Variants in CBFA2T3 observed in about 807,000 individuals in gnomAD.
CBFA2T3 encodes the protein CBFA2/RUNX1 partner transcriptional co-repressor 3, also known as transcriptional corepressor CBFA2T3.
In CBFA2T3, 31 loss-of-function variants were observed where a neutral mutation model predicts 58.6. That is an observed-to-expected ratio of 0.53 (90% CI 0.40 to 0.71). The LOEUF (loss-of-function observed/expected upper bound fraction) is 0.71, where lower values mean the gene tolerates loss of function less well. Among genes scored for constraint, CBFA2T3 ranks in the 30% least tolerant of loss-of-function variants. The probability of loss-of-function intolerance (pLI) is 0.00; values close to 1 mark genes in which losing one functional copy is unlikely to be tolerated. For synonymous variants in CBFA2T3, 531 were observed against 421.9 expected (o/e 1.26, Z -3.17); for missense variants, 1,076 against 963.1 (o/e 1.12, Z -1.55).
intron 1 of CBFA2T3, among the ~76,000 whole-genome samples, chr16:88,916,075 T>C (rs1251160475): frequency 1.3e-5 from 2 of 151,922 alleles, no homozygotes; most frequent in African/African-American, 4.8e-5. Flanking sequence ...TGTGTATTCA[T>C]GCATGTGTGT....
rs182622993 is a variant in CBFA2T3 at position 88,880,145 on chromosome 16, C to T, written c.1471+575G>A. On this transcript the variant is annotated intron_variant, in intron 10 of 11. Transcript: ENST00000268679. Reference sequence around the variant, plus strand: ...AGAGCAGCCTCCAGGGAGCACTGCCCACGCAGCTGGGGAGGCCATGTTTCA... The same window carrying T: ...AGAGCAGCCTCCAGGGAGCACTGCCTACGCAGCTGGGGAGGCCATGTTTCA... 4.9e-3 allele frequency: 761 copies of T among 156,342 alleles called. 9 individuals are homozygous for T. The highest frequency in any genetic ancestry group is 0.017 in the African/African-American group (721 of 41,556). The allele number at this position is 156,342 out of a possible 1,614,324, so 9.7% of individuals were successfully genotyped here.
rs889925221 is a variant in CBFA2T3 at position 88,876,823 on chromosome 16, TAGC to T, written c.*150_*152del. 4 of 565,986 alleles carry T rather than the reference TAGC, an allele frequency of 7.1e-6. No individual in the cohort carries two copies. Among genetic ancestry groups the T allele is most frequent in the African/African-American group, 6.0e-5 (3 of 50,200 alleles). 35.1% of individuals were successfully genotyped at this position (565,986 alleles called of 1,614,324 possible). A position where few individuals can be genotyped will look rare whatever the true frequency, so the allele number is the denominator to read the frequency against. ...TGTGTCTTCTTTCGGAGAGGGGCAG[TAGC>T]AGCAGTGACTAATTGGTCGGCTCCC... On this transcript the variant is annotated 3_prime_UTR_variant, in exon 12 of 12. Transcript: ENST00000268679.
chr16:88,903,618 T>G (rs1358783670), intron 1 of CBFA2T3, among the ~76,000 whole-genome samples: 1 of 128,582 alleles, frequency 7.8e-6, no homozygotes, highest in Admixed American at 9.1e-5. Flanking sequence ...CCAAAGAAGG[T>G]GAATGTGGCA....
Position 88,876,711 on chromosome 16 carries a change from G to T in CBFA2T3, c.*265C>A, listed in dbSNP as rs765743904. On this transcript the variant is annotated 3_prime_UTR_variant, in exon 12 of 12. Transcript: ENST00000268679. ...CTAAAGCTCAGTCGAGGCTTCTGAG[G>T]ATGCTTGAAGAGACGTTGTCAGGAG... is the stretch of plus-strand genomic sequence containing the variant. 1 of 430,194 alleles carries T rather than the reference G, an allele frequency of 2.3e-6. No individual in the cohort carries two copies. The highest frequency in any genetic ancestry group is 3.7e-5 in the East Asian group (1 of 26,984). 26.6% of individuals were successfully genotyped at this position (430,194 alleles called of 1,614,324 possible).
rs73254254 is a variant in CBFA2T3 at position 88,910,612 on chromosome 16, G to A, written c.152-8956C>T. The stretch of plus-strand genomic sequence containing the variant: ...CAGGAAGAGCTGTGGGGTGAGCTGC[G>A]GATGGCGTGAGCAGTGCAGGGCGGC... On this transcript the variant is annotated intron_variant, in intron 1 of 11. Transcript: ENST00000268679. Among the ~76,000 whole-genome samples, 1,045 of 152,312 alleles carry A rather than the reference G, an allele frequency of 6.9e-3. 16 individuals are homozygous for A. Among genetic ancestry groups the A allele is most frequent in the African/African-American group, 0.024 (1,002 of 41,560 alleles).
intron 3 of CBFA2T3, among the ~76,000 whole-genome samples, chr16:88,894,041 C>T (rs1264955038): frequency 6.6e-6 from 1 of 152,154 alleles, no homozygotes; most frequent in Non-Finnish European, 1.5e-5. Context: ...TCACGGCTGG[C>T]TCCCGCCTCC....
At chr16:88,931,520 A>C (rs150502638) in intron 1 of CBFA2T3, among the ~76,000 whole-genome samples, 1 of 151,958 alleles carries the variant, frequency 6.6e-6, no homozygotes, top group African/African-American at 2.4e-5. Context: ...AGAGGTGGAG[A>C]AGGGCCGTGG....
At chr16:88,925,001 G>T (rs1381148425) in intron 1 of CBFA2T3, among the ~76,000 whole-genome samples, 1 of 152,240 alleles carries the variant, frequency 6.6e-6, no homozygotes, top group Non-Finnish European at 1.5e-5. Context: ...CGGTCACCGT[G>T]GCCAAGCCCA....
intron 2 of CBFA2T3, among the ~76,000 whole-genome samples, chr16:88,900,782 A>C (rs1338978232): frequency 6.6e-6 from 1 of 152,218 alleles, no homozygotes; most frequent in Non-Finnish European, 1.5e-5. Context: ...TCTGTCCTCA[A>C]AGCCAAGGCT....
Position 88,877,188 on chromosome 16 carries a change from C to T in CBFA2T3, c.1750G>A (p.Asp584Asn). 1.3e-6 allele frequency: 2 copies of T among 1,554,552 alleles called. No individual in the cohort carries two copies. Among genetic ancestry groups the T allele is most frequent in the Non-Finnish European group, 1.7e-6 (2 of 1,149,484 alleles). The change falls in exon 12 of 12, where the codon GAC becomes AAC. Residue 584 changes from aspartate to asparagine, a missense_variant. Physicochemically the swap from Asp to Asn is conservative, Grantham distance 23. Transcript: ENST00000268679. ...RYCGSFCQHR[D>N]WEKHHHVCGQ... Reference sequence around the variant, plus strand: ...CACACGTGGTGATGCTTCTCCCAGTCCCGATGCTGGCAGAAGGACCCGCAG... The same window carrying T: ...CACACGTGGTGATGCTTCTCCCAGTTCCGATGCTGGCAGAAGGACCCGCAG...
At chr16:88,967,265 T>C (rs1972538133) in intron 1 of CBFA2T3, among the ~76,000 whole-genome samples, 2 of 151,622 alleles carry the variant, frequency 1.3e-5, no homozygotes, top group Admixed American at 6.6e-5. Context: ...GGCAGCACCA[T>C]GCTCAATGCA....
intron 1 of CBFA2T3, among the ~76,000 whole-genome samples, chr16:88,914,758 G>C (rs552531139): frequency 1.3e-5 from 2 of 152,336 alleles, no homozygotes; most frequent in East Asian, 3.9e-4. Flanking sequence ...TGGAAAGGCT[G>C]GGGGAGAGTG....
intron 1 of CBFA2T3, among the ~76,000 whole-genome samples, chr16:88,915,547 C>T (rs559082262): frequency 2.3e-4 from 1 of 4,382 alleles, no homozygotes; most frequent in African/African-American, 1.2e-3. Flanking sequence ...GGAGGGGGAG[C>T]GTGGACAGGG....
intron 1 of CBFA2T3, among the ~76,000 whole-genome samples, chr16:88,957,071 G>A (rs901231269): frequency 2.6e-5 from 4 of 152,158 alleles, no homozygotes; most frequent in Non-Finnish European, 2.9e-5. Context: ...TCTTTGTCAC[G>A]CTCTCTCCCG....
intron 1 of CBFA2T3, among the ~76,000 whole-genome samples, chr16:88,918,766 C>T (rs1970819326): frequency 6.6e-6 from 1 of 152,238 alleles, no homozygotes; most frequent in Non-Finnish European, 1.5e-5. Flanking sequence ...CATGGCCCAG[C>T]CCGGCCTCCC....
At chr16:88,924,741 C>T (rs513703) in intron 1 of CBFA2T3, among the ~76,000 whole-genome samples, 15 of 152,220 alleles carry the variant, frequency 9.9e-5, no homozygotes, top group Admixed American at 3.3e-4. Flanking sequence ...CCCAGCTGGC[C>T]GGACGCGGCG....
At chr16:88,939,042 G>A (rs1049455776) in intron 1 of CBFA2T3, 1 of 152,234 alleles carries the variant, frequency 6.6e-6, no homozygotes. Flanking sequence ...TAGTGACCCA[G>A]CCTGCTGGCA....
At position 88,912,294 on chromosome 16, in the gene CBFA2T3, C is replaced by T. The variant is rs477214; in HGVS notation, c.152-10638G>A. Among the ~76,000 whole-genome samples, 698 of 152,340 alleles carry T rather than the reference C, an allele frequency of 4.6e-3. 5 individuals carry two copies. The highest frequency in any genetic ancestry group is 0.016 in the African/African-American group (657 of 41,572). ...ACCCTGCAAGTGAACCCAGGGCTCG[C>T]CAAAGAAATGCGGAAGATGGGACAA... On this transcript the variant is annotated intron_variant, in intron 1 of 11. Coordinates refer to ENST00000268679, the MANE Select transcript of CBFA2T3 (RefSeq NM_005187.6).
At chr16:88,957,412 C>A (rs967218147) in intron 1 of CBFA2T3, among the ~76,000 whole-genome samples, 1 of 152,228 alleles carries the variant, frequency 6.6e-6, no homozygotes, top group South Asian at 2.1e-4. Context: ...GATAACAGTG[C>A]TACTCACACA....
Sources: gnomAD v4.1 joint callset for allele counts (sites outside exome capture counted in the v4.1 genomes callset) on GRCh38, gnomAD v4.1.1 for gene constraint, MANE v1.5 for transcripts, NCBI Gene and HGNC (gene_info 2026-07-23, HGNC 2026-07-21) for gene names.